Variants in LRP12 observed in about 807,000 individuals in gnomAD.
The protein encoded by LRP12 is low-density lipoprotein receptor-related protein 12.
Under a neutral mutation model 66.0 loss-of-function variants are expected in LRP12, and 14 were observed. The observed-to-expected ratio is 0.21, with a 90% CI of 0.14 to 0.33. The LOEUF (loss-of-function observed/expected upper bound fraction) is 0.33, where lower values mean the gene tolerates loss of function less well. Among genes scored for constraint, LRP12 ranks in the 10% least tolerant of loss-of-function variants. The pLI is 1.00. For missense variants in LRP12, 889 were observed against 1,053.4 expected, an observed-to-expected ratio of 0.84 and a Z score of 2.16; for synonymous variants, 357 against 359.1, an observed-to-expected ratio of 0.99 and a Z score of 0.07.
chr8:104,539,433 G>A (rs901654919), intron 1 of LRP12, among the ~76,000 whole-genome samples: 1 of 151,846 alleles, frequency 6.6e-6, no homozygotes, highest in Non-Finnish European at 1.5e-5. Context: ...TACATAGGGG[G>A]TCATTATCCT....
intron 1 of LRP12, among the ~76,000 whole-genome samples, 178 bp downstream of exon 1, chr8:104,588,641 A>G (rs934676379): frequency 6.6e-6 from 1 of 151,960 alleles, no homozygotes; most frequent in African/African-American, 2.4e-5. Context: ...CGAGTGGAGA[A>G]AAGCATCTCC....
chr8:104,547,904 TTC>T (rs1322227845), intron 1 of LRP12, among the ~76,000 whole-genome samples: 38 of 128,934 alleles, frequency 2.9e-4, no homozygotes, highest in Non-Finnish European at 4.3e-4. Flanking sequence ...TAATATACAA[TTC>T]TGTTATATTT....
Position 104,548,314 on chromosome 8 carries a change from TAAATATATAATA to T in LRP12, c.80-16363_80-16352del, listed in dbSNP as rs1811652030. On this transcript the variant is annotated intron_variant, in intron 1 of 6. Coordinates refer to ENST00000276654, the MANE Select transcript of LRP12 (RefSeq NM_013437.5). ...ATATATTTATATAATATATATTATATAAATATATAATATATATTATATAAATATATAAATATA... is the reference window on the plus strand; with the variant it reads ...ATATATTTATATAATATATATTATATTATATTATATAAATATATAAATATA... Among the ~76,000 whole-genome samples, 3 of 29,144 alleles carry T rather than the reference TAAATATATAATA, an allele frequency of 1.0e-4. No homozygotes were observed. The South Asian group carries it at 3.7e-3, about 36-fold the overall frequency. The allele number at this position is 29,144 out of a possible 152,430, so 19.1% of individuals were successfully genotyped here. A position where few individuals can be genotyped will look rare whatever the true frequency, so the allele number is the denominator to read the frequency against.
chr8:104,541,184 A>G (rs1811471424), intron 1 of LRP12, among the ~76,000 whole-genome samples: 1 of 152,228 alleles, frequency 6.6e-6, no homozygotes. Context: ...TACAAATACT[A>G]AACAAGCACA....
chr8:104,496,277 A>G (rs747059409), intron 5 of LRP12: 1 of 152,254 alleles, frequency 6.6e-6, no homozygotes, highest in Non-Finnish European at 1.5e-5. Context: ...TTAGCCCTTC[A>G]TACGCATCCT....
chr8:104,516,600 G>A (rs191698177), intron 2 of LRP12, among the ~76,000 whole-genome samples: 3 of 152,144 alleles, frequency 2.0e-5, no homozygotes, highest in African/African-American at 4.8e-5. Context: ...ATGAAACACT[G>A]AAGACTTCTT....
intron 1 of LRP12, among the ~76,000 whole-genome samples, chr8:104,554,333 G>A (rs1811772266): frequency 5.3e-5 from 8 of 152,006 alleles, no homozygotes; most frequent in Admixed American, 5.2e-4. Flanking sequence ...ACTCAAAGAG[G>A]CATCAGAGAA....
intron 1 of LRP12, among the ~76,000 whole-genome samples, chr8:104,583,027 A>G (rs1017953709): frequency 6.6e-6 from 1 of 152,032 alleles, no homozygotes; most frequent in Non-Finnish European, 1.5e-5. Flanking sequence ...CTCTATCAAC[A>G]GGGCAACCTA....
intron 2 of LRP12, among the ~76,000 whole-genome samples, chr8:104,524,678 T>C (rs1811203536): frequency 6.6e-6 from 1 of 152,130 alleles, no homozygotes. Flanking sequence ...AAAGGACAAA[T>C]AAAAAATTTA....
At chr8:104,502,906 C>A (rs1810850071) in intron 3 of LRP12, among the ~76,000 whole-genome samples, 1 of 152,116 alleles carries the variant, frequency 6.6e-6, no homozygotes, top group African/African-American at 2.4e-5. Context: ...AAGGCAAAGG[C>A]TGGGAGAGGT....
intron 1 of LRP12, among the ~76,000 whole-genome samples, chr8:104,564,194 G>T (rs1045397553): frequency 1.3e-5 from 2 of 152,066 alleles, no homozygotes; most frequent in East Asian, 3.9e-4. Flanking sequence ...AACAGGAAAA[G>T]AATATATATC....
intron 6 of LRP12, among the ~76,000 whole-genome samples, chr8:104,491,886 T>C (rs1810637864): frequency 1.3e-5 from 2 of 152,010 alleles, no homozygotes; most frequent in African/African-American, 4.8e-5. Flanking sequence ...GAAAATAAAA[T>C]TGATACTTCT....
rs1033378244 is a variant in LRP12 at position 104,575,458 on chromosome 8, C to T, written c.79+13361G>A. 3.3e-5 allele frequency among the ~76,000 whole-genome samples: 5 copies of T among 152,304 alleles called. No individual in the cohort carries two copies. In the East Asian group the frequency reaches 5.8e-4, roughly 18 times the overall value. On this transcript the variant is annotated intron_variant, in intron 1 of 6. Transcript: ENST00000276654. ...GCCTTGAAGAACCAGAGAACAAAGT[C>T]GGGGCCCAATACAAGTCCCCCAGAG...
In LRP12 at chr8:104,491,126, C is replaced by A; in HGVS notation, c.2127G>T (p.Arg709Ser). 1 of 1,614,086 alleles carries A rather than the reference C, an allele frequency of 6.2e-7. No homozygotes were observed. Among genetic ancestry groups the A allele is most frequent in the South Asian group, 1.1e-5 (1 of 91,060 alleles). Residue 709 changes from arginine to serine, a missense_variant, in exon 7 of 7, where the codon AGG (arginine) becomes AGT (serine). This residue lies in a region of LRP12 where 800 missense variants were observed against 964.5 expected (regional missense o/e 0.83). Transcript: ENST00000276654. ...STRGGHADNG[R>S]DVTSVEPPSV... ...TTGGGGGTTCCACACTTGTCACATC[C>A]CTTCCATTATCTGCATGACCACCTC...
At position 104,588,626 on chromosome 8, in the gene LRP12, G is replaced by A. The variant is rs1170666969; in HGVS notation, c.79+193C>T. On this transcript the variant is annotated intron_variant, in intron 1 of 6. Transcript: ENST00000276654. ...CTCTCCACCACCCGAGGGTCTGGAGGTGGACGAGTGGAGAAAAGCATCTCC... is the reference window on the plus strand; with the variant it reads ...CTCTCCACCACCCGAGGGTCTGGAGATGGACGAGTGGAGAAAAGCATCTCC... Among the ~76,000 whole-genome samples the A allele has an allele frequency of 6.6e-5, 10 of 152,078 alleles. No homozygotes were observed. In the East Asian group the frequency reaches 1.9e-3, roughly 30 times the overall value.
At chr8:104,575,053 T>C (rs934783252) in intron 1 of LRP12, among the ~76,000 whole-genome samples, 2 of 151,900 alleles carry the variant, frequency 1.3e-5, no homozygotes, top group Non-Finnish European at 2.9e-5. Context: ...GTATAAAGAC[T>C]GGAAGTCACA....
At chr8:104,516,722 G>A (rs1408683541) in intron 2 of LRP12, among the ~76,000 whole-genome samples, 1 of 151,940 alleles carries the variant, frequency 6.6e-6, no homozygotes, top group Non-Finnish European at 1.5e-5. Context: ...TAAAAAATTG[G>A]CAGTGCTCAG....
chr8:104,546,796 G>A (rs1370849987), intron 1 of LRP12, among the ~76,000 whole-genome samples: 1 of 150,706 alleles, frequency 6.6e-6, no homozygotes, highest in Non-Finnish European at 1.5e-5. Context: ...CCATTTTTAG[G>A]TGCCCAGTGC....
At chr8:104,522,529 C>T (rs947823244) in intron 2 of LRP12, among the ~76,000 whole-genome samples, 12 of 152,078 alleles carry the variant, frequency 7.9e-5, no homozygotes. Flanking sequence ...ATTTGCCTGA[C>T]AGAAGATTCT....
Sources: allele counts gnomAD v4.1 joint callset (sites outside exome capture counted in the v4.1 genomes callset), GRCh38; gene constraint gnomAD v4.1.1; regional missense constraint gnomAD v4.1.1; transcripts MANE v1.5; gene names NCBI Gene and HGNC (gene_info 2026-07-23, HGNC 2026-07-21).